MAP1A: variants seen among roughly 807,000 people sequenced by gnomAD.
The protein encoded by MAP1A is microtubule-associated protein 1A.
Under a neutral mutation model 185.9 loss-of-function variants are expected in MAP1A, and 42 were observed. The observed-to-expected ratio is 0.23, with a 90% confidence interval of 0.18 to 0.29. The LOEUF (loss-of-function observed/expected upper bound fraction) is 0.29, where lower values mean the gene tolerates loss of function less well. Ranked by LOEUF, MAP1A falls within the 10% of genes least tolerant of loss-of-function variation. The pLI, the probability that MAP1A is intolerant of heterozygous loss-of-function variation, is 1.00. For synonymous variants in MAP1A, 1,229 were observed against 1,335.9 expected, an observed-to-expected ratio of 0.92 and a Z score of 1.74; for missense variants, 2,995 against 3,450.4, an observed-to-expected ratio of 0.87 and a Z score of 3.31.
chr15:43,528,323 C>T lies in MAP1A; in HGVS notation c.6850C>T (p.Gln2284Ter). The T allele has an allele frequency of 6.2e-7, 1 of 1,614,134 alleles. No homozygotes were observed. Among genetic ancestry groups the T allele is most frequent in the Non-Finnish European group, 8.5e-7 (1 of 1,180,032 alleles). ...RFSPSLEAAE[Q>*]ESGELDPGME... ...CTCTCCAAGCCTTGAGGCTGCAGAA[C>T]AGGAGTCTGGAGAGCTGGACCCAGG... is the stretch of plus-strand genomic sequence containing the variant. The change falls in exon 4 of 6, where the codon CAG (glutamine) becomes TAG (stop). Residue 2284 changes from glutamine to a stop codon, truncating the protein, a stop_gained. Transcript: ENST00000300231. LOFTEE classifies it high-confidence loss of function.
At position 43,530,524 on chromosome 15, in the gene MAP1A, G is replaced by C. The variant is rs968337595; in HGVS notation, c.*300G>C. 5.9e-6 allele frequency: 2 copies of C among 339,316 alleles called. No individual in the cohort carries two copies. The highest frequency in any genetic ancestry group is 1.1e-5 in the Non-Finnish European group (2 of 184,526). The allele number at this position is 339,316 out of a possible 1,614,324, so 21.0% of individuals were successfully genotyped here. A position where few individuals can be genotyped will look rare whatever the true frequency, so the allele number is the denominator to read the frequency against. ...CTGTCAAATGCTGGTATTGAATGGG[G>C]ACTGAGGATGGGTCTCAGAGAGCAA... On this transcript the variant is annotated 3_prime_UTR_variant, in exon 6 of 6. Coordinates refer to ENST00000300231, the MANE Select transcript of MAP1A (RefSeq NM_002373.6).
upstream of MAP1A, among the ~76,000 whole-genome samples, chr15:43,516,130 G>T (rs535480461): frequency 6.6e-6 from 1 of 152,340 alleles, no homozygotes; most frequent in Admixed American, 6.5e-5. Context: ...TAAGAACGAT[G>T]AAGTTGCAGA....
upstream of MAP1A, among the ~76,000 whole-genome samples, chr15:43,513,561 A>T (rs2079289336): frequency 6.6e-6 from 1 of 152,228 alleles, no homozygotes; most frequent in South Asian, 2.1e-4. Flanking sequence ...CAAATCTTTG[A>T]TCACTTCCTG....
chr15:43,524,158 C>T lies in MAP1A; in HGVS notation c.2685C>T (p.Ile895=), dbSNP rs1595648398. The T allele has an allele frequency of 6.2e-7, 1 of 1,614,194 alleles. No individual in the cohort carries two copies. The highest frequency in any genetic ancestry group is 1.7e-5 in the Admixed American group (1 of 60,020). The change falls in exon 4 of 6, where the codon ATC becomes ATT. Residue 895 remains isoleucine, a synonymous_variant. Coordinates refer to ENST00000300231, the MANE Select transcript of MAP1A (RefSeq NM_002373.6). ...ACTATGTGCCATCAGCTGGTACCATCTCACCCACCTCCTCACTGGAAGAAG... is the reference window on the plus strand; with the variant it reads ...ACTATGTGCCATCAGCTGGTACCATTTCACCCACCTCCTCACTGGAAGAAG... The part of the protein sequence containing the change: ...GLDYVPSAGT[I]SPTSSLEEDK...
At position 43,511,082 on chromosome 15, in the gene MAP1A, C is replaced by G. The variant is rs907854483; in HGVS notation, c.94C>G (p.Gln32Glu). 3 of 1,549,964 alleles carry G rather than the reference C, an allele frequency of 1.9e-6. No individual in the cohort carries two copies. The African/African-American group carries it at 4.1e-5, about 21-fold the overall frequency. The change falls in exon 1 of 7, where the codon CAG becomes GAG. Residue 32 changes from glutamine to glutamate, a missense_variant. Gln to Glu is a conservative substitution (Grantham distance 29). Coordinates refer to the MAP1A transcript ENST00000382031. ...CCGAAGTCCCGGCGCACCGCTGGCT[C>G]AGAACCCCGCGGAGCTGCTGTGCGA...
At position 43,526,540 on chromosome 15, in the gene MAP1A, G is replaced by A; in HGVS notation, c.5067G>A (p.Val1689=). 3 of 1,614,158 alleles carry A rather than the reference G, an allele frequency of 1.9e-6. No homozygotes were observed. The highest frequency in any genetic ancestry group is 1.7e-5 in the Admixed American group (1 of 60,014). ...DNRYWRGRED[V]ALEQDTYWRE... is the part of the protein sequence containing the mutation. ...GGTATTGGAGGGGCAGAGAGGATGT[G>A]GCCTTGGAACAGGACACATACTGGA... The change falls in exon 4 of 6, where the codon GTG becomes GTA. Residue 1689 remains valine, a synonymous_variant. Transcript: ENST00000300231. This position sits in a 1 kb window ranked among gnomAD's most constrained non-coding sequence, Gnocchi z 4.7.
Position 43,523,239 on chromosome 15 carries a change from T to C in MAP1A, c.1766T>C (p.Val589Ala). Reference sequence around the variant, plus strand: ...CCAGGGCTGGGACAAGAAGAACATGTGATGAAGGAGAAAGAGCTTGTCCCA... The same window carrying C: ...CCAGGGCTGGGACAAGAAGAACATGCGATGAAGGAGAAAGAGCTTGTCCCA... The part of the protein sequence containing the change: ...SVPGLGQEEH[V>A]MKEKELVPEV... Residue 589 changes from valine to alanine, a missense_variant, in exon 4 of 6, where the codon GTG becomes GCG. By Grantham distance (64) the Val-to-Ala change is moderately conservative. Coordinates refer to ENST00000300231, the MANE Select transcript of MAP1A (RefSeq NM_002373.6). 6.2e-7 allele frequency: 1 copy of C among 1,613,334 alleles called. No individual in the cohort carries two copies. Among genetic ancestry groups the C allele is most frequent in the East Asian group, 2.2e-5 (1 of 44,854 alleles).
In MAP1A at chr15:43,525,444, C is replaced by T; in HGVS notation, c.3971C>T (p.Ser1324Phe). ...ATTCTGACACCTGATAGCTCCTTCT[C>T]CAAGAGTCCTGAGTCTTTGCCAGGC... is the stretch of plus-strand genomic sequence containing the variant. The part of the protein sequence containing the change: ...EHILTPDSSF[S>F]KSPESLPGPA... Residue 1324 changes from serine to phenylalanine, a missense_variant, in exon 4 of 6, where the codon TCC becomes TTC. Physicochemically the swap from Ser to Phe is radical, Grantham distance 155. Around this residue, in one of 3 missense-constraint regions of MAP1A, gnomAD observed 2,728 missense variants for 2,986.0 expected, o/e 0.91. Coordinates refer to ENST00000300231, the MANE Select transcript of MAP1A (RefSeq NM_002373.6). 1 of 1,614,202 alleles carries T rather than the reference C, an allele frequency of 6.2e-7. No individual in the cohort carries two copies. Among genetic ancestry groups the T allele is most frequent in the Non-Finnish European group, 8.5e-7 (1 of 1,180,034 alleles).
In MAP1A at chr15:43,524,338, C is replaced by T; in HGVS notation, c.2865C>T (p.Cys955=). Residue 955 remains cysteine, a synonymous_variant, in exon 4 of 6, where the codon TGC becomes TGT. Coordinates refer to ENST00000300231, the MANE Select transcript of MAP1A (RefSeq NM_002373.6). ...ACGTAGAGATGTCTGAGAAACTTTGCAGTCAATATGGAACTCCAGTGTTTA... is the reference window on the plus strand; with the variant it reads ...ACGTAGAGATGTCTGAGAAACTTTGTAGTCAATATGGAACTCCAGTGTTTA... ...TANVEMSEKL[C]SQYGTPVFSA... is the part of the protein sequence containing the mutation. The T allele has an allele frequency of 1.2e-6, 2 of 1,614,170 alleles. No individual in the cohort carries two copies. The highest frequency in any genetic ancestry group is 1.7e-6 in the Non-Finnish European group (2 of 1,180,030).
chr15:43,524,132 G>T lies in MAP1A; in HGVS notation c.2659G>T (p.Asp887Tyr). The T allele has an allele frequency of 6.2e-7, 1 of 1,614,180 alleles. No homozygotes were observed. Among genetic ancestry groups the T allele is most frequent in the Non-Finnish European group, 8.5e-7 (1 of 1,180,034 alleles). Residue 887 changes from aspartate (D) to tyrosine (Y), a missense_variant, in exon 4 of 6, where the codon GAC becomes TAC. Asp to Tyr is a radical substitution (Grantham distance 160). This residue lies in a region of MAP1A where 2,728 missense variants were observed against 2,986.0 expected (regional missense o/e 0.91). Coordinates refer to ENST00000300231, the MANE Select transcript of MAP1A (RefSeq NM_002373.6). ...CCGTACTGAAGCTACGCAGGGCTTG[G>T]ACTATGTGCCATCAGCTGGTACCAT... ...SSRTEATQGL[D>Y]YVPSAGTISP...
intron 1 of MAP1A, among the ~76,000 whole-genome samples, chr15:43,519,496 C>A (rs1466112358): frequency 6.6e-6 from 1 of 152,130 alleles, no homozygotes; most frequent in African/African-American, 2.4e-5. Flanking sequence ...AATTATGGAC[C>A]CTCCCACCAG....
chr15:43,522,834 C>A lies in MAP1A; in HGVS notation c.1361C>A (p.Pro454His). The change falls in exon 4 of 6, where the codon CCT becomes CAT. Residue 454 changes from proline to histidine, a missense_variant. Transcript: ENST00000300231. This position sits in a 1 kb window ranked among gnomAD's most constrained non-coding sequence, Gnocchi z 5.9. The part of the protein sequence containing the change: ...KKEEKRKDTK[P>H]ELKKISKPDL... Reference sequence around the variant, plus strand: ...GAGGAGAAGAGGAAAGATACCAAACCTGAGCTCAAGAAGATTTCCAAGCCA... The same window carrying A: ...GAGGAGAAGAGGAAAGATACCAAACATGAGCTCAAGAAGATTTCCAAGCCA... The A allele has an allele frequency of 6.3e-7, 1 of 1,597,154 alleles. No individual in the cohort carries two copies. Among genetic ancestry groups the A allele is most frequent in the East Asian group, 2.2e-5 (1 of 44,516 alleles).
At position 43,527,976 on chromosome 15, in the gene MAP1A, T is replaced by C; in HGVS notation, c.6503T>C (p.Phe2168Ser). The C allele has an allele frequency of 6.2e-7, 1 of 1,614,066 alleles. No homozygotes were observed. Among genetic ancestry groups the C allele is most frequent in the Non-Finnish European group, 8.5e-7 (1 of 1,179,996 alleles). Residue 2168 changes from phenylalanine (F) to serine (S), a missense_variant, in exon 4 of 6, where the codon TTT becomes TCT. Around this residue, in one of 3 missense-constraint regions of MAP1A, gnomAD observed 2,728 missense variants for 2,986.0 expected, o/e 0.91. Transcript: ENST00000300231. ...RPSLDFPASA[F>S]GFSSLQPAPP... ...AGTCTGGACTTCCCTGCTTCAGCCT[T>C]TGGCTTCTCCTCATTGCAGCCAGCT... is the stretch of plus-strand genomic sequence containing the variant.
chr15:43,512,441 C>T lies in MAP1A; in HGVS notation c.340+150C>T, dbSNP rs1391300745. 9 of 627,446 alleles carry T rather than the reference C, an allele frequency of 1.4e-5. No individual in the cohort carries two copies. The Admixed American group carries it at 2.4e-4, about 17-fold the overall frequency. 38.9% of individuals were successfully genotyped at this position (627,446 alleles called of 1,614,324 possible). ...GAAAATCATGGAATTCCATAGCTGT[C>T]CCCACATACCAAATATACTTTGCAG... is the stretch of plus-strand genomic sequence containing the variant. On this transcript the variant is annotated intron_variant, in intron 2 of 6. Coordinates refer to the MAP1A transcript ENST00000382031.
In MAP1A at chr15:43,521,307, A is replaced by G. The variant is rs753962034; in HGVS notation, c.-150-17A>G. ...ACTCTAGTGACCTGATCAGGTTTCT[A>G]TCTCCTATTCTTCTAGATTTCCCAA... On this transcript the variant is annotated splice_polypyrimidine_tract_variant and intron_variant, in intron 3 of 5. Coordinates refer to ENST00000300231, the MANE Select transcript of MAP1A (RefSeq NM_002373.6). The surrounding 1 kb of genome is among the most constrained non-coding windows in gnomAD (Gnocchi z 4.6). 3.8e-6 allele frequency: 6 copies of G among 1,584,946 alleles called. No individual in the cohort carries two copies. The highest frequency in any genetic ancestry group is 1.1e-5 in the South Asian group (1 of 88,420).
chr15:43,528,964 G>T lies in MAP1A; in HGVS notation c.7491G>T (p.Glu2497Asp), dbSNP rs376649306. The T allele has an allele frequency of 6.2e-7, 1 of 1,613,300 alleles. No homozygotes were observed. The highest frequency in any genetic ancestry group is 8.5e-7 in the Non-Finnish European group (1 of 1,180,004). ...TTGGPCPVTDETPPTSASDSG... is the reference protein window; with the variant it reads ...TTGGPCPVTDDTPPTSASDSG... ...GGGGCCCATGCCCTGTGACTGATGA[G>T]ACACCCCCTACATCAGCCAGTGACT... The change falls in exon 4 of 6, where the codon GAG (glutamate) becomes GAT (aspartate). Residue 2497 changes from glutamate to aspartate, a missense_variant. Glu to Asp is a conservative substitution (Grantham distance 45). Transcript: ENST00000300231.
Position 43,524,370 on chromosome 15 carries a change from CT to C in MAP1A, c.2898del (p.His968MetfsTer25). ...SQYGTPVFSA[P>X]GHALHPGEPA... ...TATGGAACTCCAGTGTTTAGTGCCCCTGGGCATGCCCTACATCCAGGAGAAC... is the reference window on the plus strand; with the variant it reads ...TATGGAACTCCAGTGTTTAGTGCCCCGGGCATGCCCTACATCCAGGAGAAC... On this transcript the variant is annotated frameshift_variant, in exon 4 of 6. Transcript: ENST00000300231. LOFTEE classifies it high-confidence loss of function. The C allele has an allele frequency of 6.2e-7, 1 of 1,614,210 alleles. No individual in the cohort carries two copies. Among genetic ancestry groups the C allele is most frequent in the Non-Finnish European group, 8.5e-7 (1 of 1,180,026 alleles).
At position 43,524,335 on chromosome 15, in the gene MAP1A, T is replaced by G; in HGVS notation, c.2862T>G (p.Leu954=). Residue 954 remains leucine (L), a synonymous_variant, in exon 4 of 6, where the codon CTT becomes CTG. Coordinates refer to ENST00000300231, the MANE Select transcript of MAP1A (RefSeq NM_002373.6). ...ETANVEMSEK[L]CSQYGTPVFS... ...CAAACGTAGAGATGTCTGAGAAACT[T>G]TGCAGTCAATATGGAACTCCAGTGT... The G allele has an allele frequency of 6.2e-7, 1 of 1,614,106 alleles. No homozygotes were observed.
Position 43,529,071 on chromosome 15 carries a change from C to T in MAP1A, c.7598C>T (p.Ser2533Leu). 6.2e-7 allele frequency: 1 copy of T among 1,613,918 alleles called. No individual in the cohort carries two copies. ...PSITAEAALD[S>L]DEDGDFLPVD... ...ATCACAGCTGAGGCAGCCCTCGACT[C>T]AGATGAAGATGGAGACTTCCTACCT... Residue 2533 changes from serine to leucine, a missense_variant, in exon 4 of 6, where the codon TCA becomes TTA. Physicochemically the swap from Ser to Leu is moderately radical, Grantham distance 145. Transcript: ENST00000300231. This position sits in a 1 kb window ranked among gnomAD's most constrained non-coding sequence, Gnocchi z 4.3.
Sources: gnomAD v4.1 joint callset for allele counts (sites outside exome capture counted in the v4.1 genomes callset) on GRCh38, gnomAD v4.1.1 for gene constraint, gnomAD v4.1.1 regional missense constraint, Gnocchi (gnomAD v3.1) non-coding constraint, MANE v1.5 for transcripts, NCBI Gene and HGNC (gene_info 2026-07-23, HGNC 2026-07-21) for gene names.